The following CALN1 variants were observed in gnomAD, a reference collection of about 807,000 sequenced individuals.
The protein encoded by CALN1 is calcium-binding protein 8.
CALN1 carries 17 observed loss-of-function variants against 30.6 expected under a neutral mutation model. That is an observed-to-expected ratio of 0.56 (90% CI 0.38 to 0.83). CALN1 has a LOEUF of 0.83. CALN1 is among the 40% of genes least tolerant of loss of function. The pLI is 0.00. For synonymous variants in CALN1, 156 were observed against 131.4 expected (o/e 1.19, Z -1.28); for missense variants, 291 against 354.9 (o/e 0.82, Z 1.45).
chr7:72,102,768 T>C (rs752716247), intron 4 of CALN1, among the ~76,000 whole-genome samples: 5 of 150,648 alleles, frequency 3.3e-5, no homozygotes, highest in Non-Finnish European at 7.4e-5. Context: ...GATTGAGAGG[T>C]GATGGCTAAG....
At chr7:72,078,466 TC>T (rs1804897749) in intron 4 of CALN1, among the ~76,000 whole-genome samples, 2 of 152,014 alleles carry the variant, frequency 1.3e-5, no homozygotes, top group African/African-American at 2.4e-5. Flanking sequence ...TGACTTCTCC[TC>T]CCCTGATTCC....
At chr7:72,038,143 A>G (rs947215622) in intron 4 of CALN1, among the ~76,000 whole-genome samples, 11 of 151,712 alleles carry the variant, frequency 7.3e-5, no homozygotes, top group African/African-American at 2.7e-4. Flanking sequence ...ATATTTGGAG[A>G]ACAGGATGTT....
At chr7:72,036,961 TTTTA>T (rs1245720602) in intron 4 of CALN1, among the ~76,000 whole-genome samples, 7 of 152,152 alleles carry the variant, frequency 4.6e-5, no homozygotes, top group Admixed American at 1.3e-4. Flanking sequence ...TTTTGTCATT[TTTTA>T]TTTGTTTTCA....
the CALN1 span, among the ~76,000 whole-genome samples, chr7:72,469,375 G>A: frequency 1.2e-4 from 19 of 152,186 alleles, no homozygotes; most frequent in Admixed American, 3.3e-4. Context: ...TCAGTTGGCC[G>A]CAGATGTATG....
chr7:72,429,932 G>T (rs1807919272), intron 1 of CALN1, among the ~76,000 whole-genome samples: 1 of 150,480 alleles, frequency 6.6e-6, no homozygotes, highest in Admixed American at 6.6e-5. Context: ...TGATTCTCTT[G>T]CCTCTGCCTC....
At chr7:72,205,551 A>ATATATATACATACAT in intron 3 of CALN1, among the ~76,000 whole-genome samples, 1 of 83,052 alleles carries the variant, frequency 1.2e-5, no homozygotes, top group African/African-American at 7.5e-5. Context: ...GCAAAAAAAA[A>ATATATATACATACAT]ATATATATAT....
intron 3 of CALN1, among the ~76,000 whole-genome samples, chr7:72,169,748 C>T (rs536418679): frequency 6.6e-4 from 99 of 149,246 alleles, no homozygotes; most frequent in Middle Eastern, 7.4e-3. Context: ...GGAGTACAAT[C>T]GCGCGATCTC....
intron 6 of CALN1, among the ~76,000 whole-genome samples, chr7:71,801,245 T>A (rs1483503105): frequency 6.6e-6 from 1 of 152,066 alleles, no homozygotes; most frequent in Non-Finnish European, 1.5e-5. Flanking sequence ...CAGGGTTTCG[T>A]TCTGTCACCC....
At chr7:72,334,522 A>T (rs1554375895) in intron 2 of CALN1, among the ~76,000 whole-genome samples, 1 of 151,456 alleles carries the variant, frequency 6.6e-6, no homozygotes, top group Non-Finnish European at 1.5e-5. Flanking sequence ...CTCAACCTGT[A>T]CCCCCCCTCC....
chr7:72,458,927 T>C, the CALN1 span, among the ~76,000 whole-genome samples: 1 of 148,132 alleles, frequency 6.8e-6, no homozygotes, highest in Non-Finnish European at 1.5e-5. Flanking sequence ...TGTTTTTGTT[T>C]TGAGACAGAG....
At chr7:72,023,027 G>A (rs976399681) in intron 5 of CALN1, among the ~76,000 whole-genome samples, 1 of 151,316 alleles carries the variant, frequency 6.6e-6, no homozygotes, top group South Asian at 2.1e-4. Context: ...GACAACTTAC[G>A]TGATTCAAAT....
At chr7:71,866,380 G>A (rs1238542583) in intron 5 of CALN1, among the ~76,000 whole-genome samples, 2 of 151,832 alleles carry the variant, frequency 1.3e-5, no homozygotes, top group African/African-American at 4.8e-5. Flanking sequence ...TGTTCCATAT[G>A]CTATATTATG....
At chr7:72,259,924 C>A (rs1301133089) in intron 3 of CALN1, among the ~76,000 whole-genome samples, 14 of 152,218 alleles carry the variant, frequency 9.2e-5, no homozygotes, top group Admixed American at 8.5e-4. Context: ...CAAAAAGGAT[C>A]TCATCAGCAA....
chr7:72,066,614 G>A (rs1804038010), intron 4 of CALN1, among the ~76,000 whole-genome samples: 1 of 151,732 alleles, frequency 6.6e-6, no homozygotes, highest in African/African-American at 2.4e-5. Flanking sequence ...GCTACTATAT[G>A]TATGACTCTT....
At chr7:72,338,179 TAAAG>T (rs897972042) in intron 2 of CALN1, among the ~76,000 whole-genome samples, 5 of 152,068 alleles carry the variant, frequency 3.3e-5, no homozygotes, top group Admixed American at 1.3e-4. Context: ...GTTGTGCCAA[TAAAG>T]AAAGAGCAAC....
intron 5 of CALN1, among the ~76,000 whole-genome samples, chr7:71,954,972 G>A (rs1354172249): frequency 6.6e-6 from 1 of 152,094 alleles, no homozygotes; most frequent in Non-Finnish European, 1.5e-5. Context: ...TTTTTAGGAT[G>A]AGAGTTGTCT....
intron 5 of CALN1, among the ~76,000 whole-genome samples, chr7:71,881,062 G>C (rs188767883): frequency 6.6e-6 from 1 of 152,324 alleles, no homozygotes; most frequent in Admixed American, 6.5e-5. Flanking sequence ...GACATGGAAG[G>C]ACTTGACTTG....
At chr7:72,020,476 C>T (rs1487925349) in intron 5 of CALN1, among the ~76,000 whole-genome samples, 1 of 152,144 alleles carries the variant, frequency 6.6e-6, no homozygotes, top group African/African-American at 2.4e-5. Flanking sequence ...CACGCTGTCT[C>T]TGAAGGGGCA....
At chr7:72,449,345 G>A (rs999695989), upstream of CALN1, among the ~76,000 whole-genome samples, 4 of 152,302 alleles carry the variant, frequency 2.6e-5, no homozygotes, top group East Asian at 1.9e-4. Context: ...CTCAGAGTCC[G>A]TGAGGGATGG....
Sources: gnomAD v4.1 joint callset for allele counts (sites outside exome capture counted in the v4.1 genomes callset) on GRCh38, gnomAD v4.1.1 for gene constraint, MANE v1.5 for transcripts, NCBI Gene and HGNC (gene_info 2026-07-23, HGNC 2026-07-21) for gene names.